Variants in SPMIP2 observed in about 807,000 individuals in gnomAD.
SPMIP2 encodes the protein protein SPMIP2.
At chr4:159,082,078 G>A in the SPMIP2 span, among the ~76,000 whole-genome samples, 3 of 151,636 alleles carry the variant, frequency 2.0e-5, no homozygotes, top group South Asian at 2.1e-4. Context: ...AACACTTTGG[G>A]AGGAGAAGGC....
At chr4:159,055,387 T>A in the SPMIP2 span, among the ~76,000 whole-genome samples, 5 of 152,184 alleles carry the variant, frequency 3.3e-5, no homozygotes, top group African/African-American at 1.2e-4. Context: ...TTGTAGTCTC[T>A]GTTGCCACAA....
chr4:159,027,987 A>G, the SPMIP2 span, among the ~76,000 whole-genome samples: 1 of 152,210 alleles, frequency 6.6e-6, no homozygotes, highest in African/African-American at 2.4e-5. Context: ...TTACATGAGC[A>G]GACTTTCTAG....
chr4:158,988,108 A>G, the SPMIP2 span, among the ~76,000 whole-genome samples: 1 of 152,200 alleles, frequency 6.6e-6, no homozygotes, highest in Non-Finnish European at 1.5e-5. Context: ...AGAATACTAT[A>G]AACAGCTGTA....
the SPMIP2 span, chr4:158,960,295 T>G: frequency 6.4e-7 from 1 of 1,553,936 alleles, no homozygotes; most frequent in Non-Finnish European, 8.8e-7. Flanking sequence ...CCATGGGTTT[T>G]GATATCTGTG....
chr4:158,985,318 G>C, the SPMIP2 span, among the ~76,000 whole-genome samples: 17 of 139,696 alleles, frequency 1.2e-4, no homozygotes, highest in Non-Finnish European at 2.3e-4. Context: ...AAGCTGGGCA[G>C]AGACACAACC....
chr4:159,014,969 T>A, the SPMIP2 span, among the ~76,000 whole-genome samples: 1 of 152,256 alleles, frequency 6.6e-6, no homozygotes, highest in African/African-American at 2.4e-5. Context: ...CTCTTAAATT[T>A]TCATTATGCA....
chr4:158,904,668 T>A, the SPMIP2 span: 1 of 847,212 alleles, frequency 1.2e-6, no homozygotes. Context: ...TCATTCCACC[T>A]TTTTGTTTTG....
chr4:158,951,086 T>C, the SPMIP2 span, among the ~76,000 whole-genome samples: 1 of 152,242 alleles, frequency 6.6e-6, no homozygotes, highest in Non-Finnish European at 1.5e-5. Context: ...CAGTTTTATA[T>C]CTTATTTTTA....
chr4:158,962,579 T>A, the SPMIP2 span, among the ~76,000 whole-genome samples: 1 of 152,194 alleles, frequency 6.6e-6, no homozygotes, highest in Non-Finnish European at 1.5e-5. Flanking sequence ...ATTTTTTCCT[T>A]CACTTGCCTC....
the SPMIP2 span, among the ~76,000 whole-genome samples, chr4:158,953,756 C>T: frequency 6.6e-6 from 1 of 152,226 alleles, no homozygotes; most frequent in East Asian, 1.9e-4. Flanking sequence ...CTACCTCCTA[C>T]ATCATCAGCA....
At chr4:158,989,855 C>T in the SPMIP2 span, among the ~76,000 whole-genome samples, 1,728 of 152,110 alleles carry the variant, frequency 0.011, 26 homozygotes, top group African/African-American at 0.039. Flanking sequence ...CAAAAAGCAA[C>T]GGCAACAAAA....
At chr4:159,019,817 C>G in the SPMIP2 span, among the ~76,000 whole-genome samples, 1 of 152,122 alleles carries the variant, frequency 6.6e-6, no homozygotes, top group South Asian at 2.1e-4. Flanking sequence ...GAGAGGGATG[C>G]CAGCCATCTG....
At chr4:159,027,747 C>G in the SPMIP2 span, among the ~76,000 whole-genome samples, 1 of 152,150 alleles carries the variant, frequency 6.6e-6, no homozygotes, top group Non-Finnish European at 1.5e-5. Context: ...ATGACAGTTT[C>G]ACAGAGCAAA....
the SPMIP2 span, among the ~76,000 whole-genome samples, chr4:158,897,219 A>G: frequency 1.3e-5 from 2 of 151,978 alleles, no homozygotes; most frequent in African/African-American, 2.4e-5. Context: ...TATGTGCCAC[A>G]TTTTCTTTAT....
the SPMIP2 span, among the ~76,000 whole-genome samples, chr4:159,067,887 C>T: frequency 6.6e-6 from 1 of 152,176 alleles, no homozygotes; most frequent in African/African-American, 2.4e-5. Flanking sequence ...GACATTTATG[C>T]AGCCAAAAAA....
chr4:158,903,718 A>G, the SPMIP2 span, among the ~76,000 whole-genome samples: 1 of 152,170 alleles, frequency 6.6e-6, no homozygotes, highest in African/African-American at 2.4e-5. Flanking sequence ...AGAAAACCCC[A>G]TGAGGTAATG....
the SPMIP2 span, among the ~76,000 whole-genome samples, chr4:159,023,138 G>A: frequency 1.3e-5 from 2 of 152,180 alleles, no homozygotes; most frequent in Non-Finnish European, 2.9e-5. Flanking sequence ...GATGCTCAGA[G>A]ATCTTGTTAA....
At chr4:159,005,815 AGGGCAGTGG>A in the SPMIP2 span, among the ~76,000 whole-genome samples, 4 of 152,158 alleles carry the variant, frequency 2.6e-5, no homozygotes, top group Non-Finnish European at 2.9e-5. Flanking sequence ...CCCAGGCTGG[AGGGCAGTGG>A]TGCAATCTCG....
At chr4:159,020,202 T>C in the SPMIP2 span, among the ~76,000 whole-genome samples, 1 of 152,178 alleles carries the variant, frequency 6.6e-6, no homozygotes, top group Admixed American at 6.5e-5. Context: ...TGTGATTTTC[T>C]ATATGTGCAG....
Sources: allele counts gnomAD v4.1 joint callset (sites outside exome capture counted in the v4.1 genomes callset), GRCh38; gene constraint gnomAD v4.1.1; transcripts MANE v1.5; gene names NCBI Gene and HGNC (gene_info 2026-07-23, HGNC 2026-07-21).